NELL1: variants seen among roughly 807,000 people sequenced by gnomAD.
NELL1 encodes neural EGFL like 1.
NELL1 carries 76 observed loss-of-function variants against 107.4 expected under a neutral mutation model. The observed-to-expected ratio is 0.71, with a 90% CI of 0.59 to 0.86. NELL1 has a LOEUF of 0.86. Ranked by LOEUF, NELL1 falls within the 40% of genes least tolerant of loss-of-function variation. The pLI is 0.00. For missense variants in NELL1, 1,024 were observed against 1,005.5 expected, an observed-to-expected ratio of 1.02 and a Z score of -0.25; for synonymous variants, 353 against 341.2, an observed-to-expected ratio of 1.03 and a Z score of -0.38.
chr11:21,058,165 A>G (rs998650872), intron 12 of NELL1, among the ~76,000 whole-genome samples: 4 of 152,160 alleles, frequency 2.6e-5, no homozygotes, highest in African/African-American at 4.8e-5. Context: ...GTATGGGACC[A>G]TGGAAGGCAT....
chr11:21,198,432 C>T (rs1857199487), intron 13 of NELL1, among the ~76,000 whole-genome samples: 1 of 152,176 alleles, frequency 6.6e-6, no homozygotes, highest in African/African-American at 2.4e-5. Flanking sequence ...AGCATAGGGA[C>T]TGGGAGATAT....
intron 14 of NELL1, among the ~76,000 whole-genome samples, chr11:21,349,098 A>G (rs549750698): frequency 1.3e-5 from 2 of 152,156 alleles, no homozygotes; most frequent in Non-Finnish European, 2.9e-5. Flanking sequence ...GTGCCTGGGT[A>G]GAATCACAGA....
At chr11:20,807,060 T>C (rs1032070172) in intron 3 of NELL1, among the ~76,000 whole-genome samples, 5 of 152,166 alleles carry the variant, frequency 3.3e-5, no homozygotes, top group Admixed American at 2.0e-4. Flanking sequence ...TTTAGTTTTT[T>C]TTTTTTTTGT....
intron 12 of NELL1, among the ~76,000 whole-genome samples, chr11:20,976,895 G>T (rs1293779764): frequency 1.3e-5 from 2 of 151,642 alleles, no homozygotes; most frequent in Non-Finnish European, 2.9e-5. Context: ...TTTCTTTAAC[G>T]CAAACTCCTA....
intron 15 of NELL1, among the ~76,000 whole-genome samples, chr11:21,520,527 T>C (rs1213161759): frequency 1.3e-5 from 2 of 152,158 alleles, no homozygotes; most frequent in African/African-American, 4.8e-5. Flanking sequence ...AATATGATGA[T>C]GATAAGAGTG....
intron 15 of NELL1, among the ~76,000 whole-genome samples, chr11:21,446,773 G>A (rs1176639559): frequency 6.6e-6 from 1 of 152,146 alleles, no homozygotes; most frequent in East Asian, 1.9e-4. Flanking sequence ...ACCACTACTG[G>A]GCTACCACCT....
At chr11:21,574,873 G>A (rs968971617) in intron 19 of NELL1, 99 bp from the exon 20 acceptor site, 23 of 929,906 alleles carry the variant, frequency 2.5e-5, no homozygotes, top group Non-Finnish European at 3.5e-5. Context: ...CTTGAAGTTT[G>A]TCTCAAAATG....
At chr11:21,086,705 C>T (rs920408837) in intron 12 of NELL1, among the ~76,000 whole-genome samples, 1 of 151,888 alleles carries the variant, frequency 6.6e-6, no homozygotes, top group Non-Finnish European at 1.5e-5. Flanking sequence ...TAGGTTCTAA[C>T]TGAAGATAAA....
intron 11 of NELL1, among the ~76,000 whole-genome samples, chr11:20,949,664 T>A (rs1319514457): frequency 6.6e-6 from 1 of 152,194 alleles, no homozygotes; most frequent in Non-Finnish European, 1.5e-5. Flanking sequence ...TGCCACTGCT[T>A]CTGTTAGCAC....
chr11:21,561,216 T>G (rs1322904407), intron 17 of NELL1, among the ~76,000 whole-genome samples: 2 of 152,062 alleles, frequency 1.3e-5, no homozygotes. Flanking sequence ...TAGCCAAGTC[T>G]CCTGATAAAT....
chr11:20,963,629 A>G (rs1445718897), intron 12 of NELL1, among the ~76,000 whole-genome samples: 1 of 152,136 alleles, frequency 6.6e-6, no homozygotes. Context: ...GTGATCGGGT[A>G]GACAAGCTTA....
intron 7 of NELL1, among the ~76,000 whole-genome samples, chr11:20,919,755 T>C (rs999722210): frequency 6.6e-6 from 1 of 152,162 alleles, no homozygotes; most frequent in African/African-American, 2.4e-5. Context: ...AACAGATTAC[T>C]GTCAAAAGAA....
intron 5 of NELL1, among the ~76,000 whole-genome samples, chr11:20,891,150 T>C (rs4923147): frequency 0.57 from 86,973 of 152,108 alleles, 29,924 homozygotes; most frequent in Non-Finnish European, 0.77. Context: ...CCCATCAGAC[T>C]AACAGTGGAC....
chr11:21,413,697 T>G (rs1217190879), intron 15 of NELL1, among the ~76,000 whole-genome samples: 2 of 152,054 alleles, frequency 1.3e-5, no homozygotes, highest in African/African-American at 4.8e-5. Flanking sequence ...TCACCCCTTC[T>G]CCTCAAATCT....
intron 1 of NELL1, among the ~76,000 whole-genome samples, chr11:20,673,680 G>C (rs1004630269): frequency 2.6e-5 from 4 of 152,132 alleles, no homozygotes; most frequent in African/African-American, 7.2e-5. Flanking sequence ...CTGCCTTCCA[G>C]GTTTTTAAAA....
At chr11:21,338,071 T>C (rs1232974193) in intron 14 of NELL1, among the ~76,000 whole-genome samples, 1 of 151,986 alleles carries the variant, frequency 6.6e-6, no homozygotes, top group Non-Finnish European at 1.5e-5. Context: ...AGTTGAGCAA[T>C]ATGTAAGAGT....
chr11:21,047,662 G>T (rs749817729), intron 12 of NELL1, among the ~76,000 whole-genome samples: 1 of 152,022 alleles, frequency 6.6e-6, no homozygotes, highest in Admixed American at 6.6e-5. Flanking sequence ...TGATTCTTTC[G>T]TGTTATTGTA....
intron 14 of NELL1, among the ~76,000 whole-genome samples, chr11:21,255,206 A>C (rs1375251259): frequency 6.6e-6 from 1 of 152,102 alleles, no homozygotes; most frequent in East Asian, 1.9e-4. Flanking sequence ...GTTGACATTT[A>C]TCTTGTCTGT....
chr11:20,684,295 A>T (rs1854256261), intron 2 of NELL1, among the ~76,000 whole-genome samples: 1 of 152,028 alleles, frequency 6.6e-6, no homozygotes, highest in Admixed American at 6.6e-5. Flanking sequence ...AAATTAAAAA[A>T]ATTTAAAACA....
Sources: allele counts gnomAD v4.1 joint callset (sites outside exome capture counted in the v4.1 genomes callset), GRCh38; gene constraint gnomAD v4.1.1; transcripts MANE v1.5; gene names NCBI Gene and HGNC (gene_info 2026-07-23, HGNC 2026-07-21).